PLCG2: variants seen among roughly 807,000 people sequenced by gnomAD.
PLCG2 encodes the protein phospholipase C gamma 2.
A neutral mutation model predicts 175.6 loss-of-function variants in PLCG2; 69 were observed. That is an observed-to-expected ratio of 0.39 (90% confidence interval 0.32 to 0.48). The LOEUF (loss-of-function observed/expected upper bound fraction) is 0.48. PLCG2 is among the 20% of genes least tolerant of loss of function. The pLI, the probability that PLCG2 is intolerant of heterozygous loss-of-function variation, is 0.91. For synonymous variants in PLCG2, 827 were observed against 624.0 expected, an observed-to-expected ratio of 1.33 and a Z score of -4.85; for missense variants, 1,798 against 1,650.9, an observed-to-expected ratio of 1.09 and a Z score of -1.54.
chr16:81,823,357 G>C (rs1904889766), intron 2 of PLCG2, among the ~76,000 whole-genome samples: 1 of 152,134 alleles, frequency 6.6e-6, no homozygotes, highest in Non-Finnish European at 1.5e-5. Context: ...GCTCGCAGAG[G>C]CCAGGCTTCC....
chr16:81,879,918 C>G (rs572685815), intron 7 of PLCG2, among the ~76,000 whole-genome samples: 1 of 152,166 alleles, frequency 6.6e-6, no homozygotes, highest in East Asian at 1.9e-4. Flanking sequence ...ATATTTCTTT[C>G]GTCTTCTTGC....
At chr16:81,855,152 C>G (rs940225617) in intron 3 of PLCG2, among the ~76,000 whole-genome samples, 2 of 149,066 alleles carry the variant, frequency 1.3e-5, no homozygotes, top group East Asian at 2.0e-4. Flanking sequence ...AAGATTGCAT[C>G]ACTCCCCTAC....
chr16:81,856,516 C>T (rs1052351800), intron 3 of PLCG2, among the ~76,000 whole-genome samples: 1 of 152,212 alleles, frequency 6.6e-6, no homozygotes, highest in Admixed American at 6.5e-5. Flanking sequence ...GCAAGCTCTA[C>T]TTGCTGTCCC....
In PLCG2 at chr16:81,822,164, A is replaced by G. The variant is rs183537206; in HGVS notation, c.194-32280A>G. 1.5e-3 allele frequency among the ~76,000 whole-genome samples: 233 copies of G among 152,006 alleles called. 1 individual carries two copies. The highest frequency in any genetic ancestry group is 4.9e-3 in the African/African-American group (205 of 41,448). ...TTATCAATTTCTCTTAGCTTTGTCA[A>G]TTGTGGTGGGGTGTGGGGGATTGAG... On this transcript the variant is annotated intron_variant, in intron 2 of 32. Transcript: ENST00000564138.
rs1034847305 is a variant in PLCG2 at position 81,960,533 on chromosome 16, G to A, written c.*2535G>A. 1.3e-5 allele frequency: 3 copies of A among 231,268 alleles called. No homozygotes were observed. The highest frequency in any genetic ancestry group is 6.6e-5 in the African/African-American group (3 of 45,228). 14.3% of individuals were successfully genotyped at this position (231,268 alleles called of 1,614,324 possible). ...AGGCCTTGTGAGTTTGGGAAACTTA[G>A]GTTATAAAAACTAAATAAAGTTTTT... On this transcript the variant is annotated 3_prime_UTR_variant, in exon 33 of 33. Transcript: ENST00000564138.
At chr16:81,877,973 A>ATTTTTTTTTTTTTTTTT (rs71146052) in intron 7 of PLCG2, among the ~76,000 whole-genome samples, 1 of 55,762 alleles carries the variant, frequency 1.8e-5, no homozygotes, top group East Asian at 6.1e-4. Context: ...TTTTTTTTTA[A>ATTTTTTTTTTTTTTTTT]TTTTTTTTTT....
chr16:81,942,785 C>A (rs1044194559), intron 30 of PLCG2, among the ~76,000 whole-genome samples: 6 of 152,136 alleles, frequency 3.9e-5, no homozygotes, highest in Non-Finnish European at 8.8e-5. Context: ...TAATTTCGAA[C>A]CCCGTGTTCC....
rs763617895 is a variant in PLCG2, at chr16:81,927,136, C to T, written c.2472C>T (p.Val824=). The T allele has an allele frequency of 1.9e-5, 30 of 1,613,696 alleles. No homozygotes were observed. Among genetic ancestry groups the T allele is most frequent in the Non-Finnish European group, 2.3e-5 (27 of 1,179,722 alleles). The stretch of plus-strand genomic sequence containing the variant: ...AGCAGTACTTCCCATCCAACTACGT[C>T]GAGGACATCTCAACTGCAGACTTCG... ...RIQQYFPSNY[V]EDISTADFEE... is the part of the protein sequence containing the mutation. Residue 824 remains valine (V), a synonymous_variant, in exon 23 of 33, where the codon GTC becomes GTT. Transcript: ENST00000564138.
Position 81,908,509 on chromosome 16 carries a change from T to C in PLCG2, c.1651T>C (p.Cys551Arg). 1 of 1,614,074 alleles carries C rather than the reference T, an allele frequency of 6.2e-7. No individual in the cohort carries two copies. The highest frequency in any genetic ancestry group is 8.5e-7 in the Non-Finnish European group (1 of 1,180,008). ...TSAEKLLQEY[C>R]METGGKDGTF... The stretch of plus-strand genomic sequence containing the variant: ...TGCCGAGAAGTTGCTGCAGGAATAC[T>C]GCATGGAGACGGGGGGCAAGGATGG... Residue 551 changes from cysteine to arginine, a missense_variant, in exon 17 of 33, where the codon TGC becomes CGC. Physicochemically the swap from Cys to Arg is radical, Grantham distance 180. Transcript: ENST00000564138.
Position 81,786,166 on chromosome 16 carries a change from C to T in PLCG2, c.177C>T (p.Asp59=). The change falls in exon 2 of 33, where the codon GAC becomes GAT. Residue 59 remains aspartate (D), a synonymous_variant. Coordinates refer to ENST00000564138, the MANE Select transcript of PLCG2 (RefSeq NM_002661.5). ...TRQVAWSKTA[D]KIEGFLDIME... ...AGGTGGCCTGGAGCAAGACCGCTGA[C>T]AAGATCGAGGGCTTCTGTGAGTACT... is the stretch of plus-strand genomic sequence containing the variant. 1 of 1,614,026 alleles carries T rather than the reference C, an allele frequency of 6.2e-7. No homozygotes were observed. Among genetic ancestry groups the T allele is most frequent in the Non-Finnish European group, 8.5e-7 (1 of 1,179,992 alleles).
intron 24 of PLCG2, chr16:81,931,280 A>C: frequency 2.4e-6 from 1 of 420,110 alleles, no homozygotes; most frequent in Non-Finnish European, 4.3e-6. Flanking sequence ...GACCTGACAC[A>C]TCTTTTCGGA....
chr16:81,789,404 C>T, intron 2 of PLCG2, among the ~76,000 whole-genome samples: 1 of 152,224 alleles, frequency 6.6e-6, no homozygotes, highest in East Asian at 1.9e-4. Context: ...GATCCTCCTG[C>T]CCAGTCTCCC....
intron 22 of PLCG2, among the ~76,000 whole-genome samples, chr16:81,924,911 C>G (rs1474091595): frequency 1.3e-5 from 2 of 152,370 alleles, no homozygotes; most frequent in East Asian, 3.9e-4. Context: ...GCCGAAGTCC[C>G]TCCACTCGAA....
intron 2 of PLCG2, among the ~76,000 whole-genome samples, chr16:81,773,427 A>T (rs67497653): frequency 0.29 from 43,843 of 152,034 alleles, 7,415 homozygotes; most frequent in Non-Finnish European, 0.38. Context: ...GCAGATTGGG[A>T]AACTGAGGCT....
chr16:81,832,105 AG>A (rs60516036), intron 2 of PLCG2, among the ~76,000 whole-genome samples: 3 of 76,550 alleles, frequency 3.9e-5, no homozygotes, highest in Non-Finnish European at 6.3e-5. Context: ...TGATAAATGG[AG>A]GGGGGGAATA....
intron 2 of PLCG2, among the ~76,000 whole-genome samples, chr16:81,800,873 A>C (rs1911689210): frequency 6.6e-6 from 1 of 152,128 alleles, no homozygotes; most frequent in Non-Finnish European, 1.5e-5. Flanking sequence ...GAAATCACAA[A>C]GGTCCTTGCA....
At chr16:81,835,945 A>G (rs1255209865) in intron 2 of PLCG2, among the ~76,000 whole-genome samples, 2 of 152,162 alleles carry the variant, frequency 1.3e-5, no homozygotes, top group African/African-American at 4.8e-5. Flanking sequence ...GTCTTGGGTT[A>G]GGACCCACCC....
chr16:81,849,859 A>G lies in PLCG2; in HGVS notation c.194-4585A>G, dbSNP rs187657735. ...AAGAGAATTGTTAGACTAGACAGAA[A>G]GAGAAAAGAATGTTTGCTTAAAGTC... is the stretch of plus-strand genomic sequence containing the variant. On this transcript the variant is annotated intron_variant, in intron 2 of 32. Coordinates refer to ENST00000564138, the MANE Select transcript of PLCG2 (RefSeq NM_002661.5). Among the ~76,000 whole-genome samples, 42 of 152,282 alleles carry G rather than the reference A, an allele frequency of 2.8e-4. 1 individual carries two copies. Among genetic ancestry groups the G allele is most frequent in the Admixed American group, 1.8e-3 (27 of 15,306 alleles).
chr16:81,826,043 T>G (rs962222597), intron 2 of PLCG2, among the ~76,000 whole-genome samples: 1 of 152,166 alleles, frequency 6.6e-6, no homozygotes, highest in Non-Finnish European at 1.5e-5. Context: ...TAGTAAATAT[T>G]TCAAACTCAA....
Sources: gnomAD v4.1 joint callset for allele counts (sites outside exome capture counted in the v4.1 genomes callset) on GRCh38, gnomAD v4.1.1 for gene constraint, MANE v1.5 for transcripts, NCBI Gene and HGNC (gene_info 2026-07-23, HGNC 2026-07-21) for gene names.